PDE12: variants seen among roughly 807,000 people sequenced by gnomAD.
The protein encoded by PDE12 is phosphodiesterase 12, also known as 2',5'-phosphodiesterase 12.
A neutral mutation model predicts 45.4 loss-of-function variants in PDE12; 26 were observed. That is an observed-to-expected ratio of 0.57 (90% CI 0.42 to 0.79). The LOEUF (loss-of-function observed/expected upper bound fraction) is 0.79. Ranked by LOEUF, PDE12 falls within the 30% of genes least tolerant of loss-of-function variation. PDE12 has a pLI of 0.00. For missense variants in PDE12, 668 were observed against 790.0 expected, an observed-to-expected ratio of 0.85 and a Z score of 1.85; for synonymous variants, 283 against 323.9, an observed-to-expected ratio of 0.87 and a Z score of 1.36.
chr3:57,650,407 T>C, the PDE12 span, among the ~76,000 whole-genome samples: 633 of 136,468 alleles, frequency 4.6e-3, 6 homozygotes, highest in African/African-American at 0.016. Flanking sequence ...TGTGTATATA[T>C]ACATGCATTT....
chr3:57,621,285 AAAC>A, the PDE12 span, among the ~76,000 whole-genome samples: 2 of 152,244 alleles, frequency 1.3e-5, no homozygotes, highest in Non-Finnish European at 2.9e-5. Context: ...CATATGCAAA[AAAC>A]AAAAAATCCT....
At chr3:57,590,107 A>ATAAATAAAT in the PDE12 span, among the ~76,000 whole-genome samples, 1 of 145,878 alleles carries the variant, frequency 6.9e-6, no homozygotes, top group East Asian at 2.0e-4. Flanking sequence ...AAATAAATAA[A>ATAAATAAAT]TAAATAAATA....
chr3:57,584,086 T>C, the PDE12 span: 22 of 1,012,940 alleles, frequency 2.2e-5, no homozygotes, highest in South Asian at 2.0e-4. Context: ...TTTCTTAGAA[T>C]AGTGTTTTTA....
chr3:57,556,556 C>T lies in PDE12; in HGVS notation c.177C>T (p.Ser59=), dbSNP rs1431645242. ...TGTCATTCGCTTTGGCTGATGGTAG[C>T]CACAAGAACATGCAGCGCGACCAGA... is the stretch of plus-strand genomic sequence containing the variant. ...LSLSFALADG[S]HKNMQRDQSE... The change falls in exon 1 of 3, where the codon AGC becomes AGT. Residue 59 remains serine (S), a synonymous_variant. Transcript: ENST00000311180. This position sits in a 1 kb window ranked among gnomAD's most constrained non-coding sequence, Gnocchi z 5.0. 6.2e-7 allele frequency: 1 copy of T among 1,613,444 alleles called. No homozygotes were observed. Among genetic ancestry groups the T allele is most frequent in the Non-Finnish European group, 8.5e-7 (1 of 1,180,010 alleles).
At chr3:57,617,086 C>CA in the PDE12 span, among the ~76,000 whole-genome samples, 1 of 151,234 alleles carries the variant, frequency 6.6e-6, no homozygotes, top group Non-Finnish European at 1.5e-5. Flanking sequence ...TGTAAAAATT[C>CA]AAAAAAAATT....
the PDE12 span, among the ~76,000 whole-genome samples, chr3:57,574,408 ATTT>A: frequency 6.9e-6 from 1 of 145,262 alleles, no homozygotes. Flanking sequence ...AGAAGTACAA[ATTT>A]TTTTTTTTTT....
At chr3:57,590,134 A>G in the PDE12 span, among the ~76,000 whole-genome samples, 1 of 143,994 alleles carries the variant, frequency 6.9e-6, no homozygotes, top group Non-Finnish European at 1.5e-5. Flanking sequence ...TAAATAAATA[A>G]AACAAAAAAC....
chr3:57,602,515 A>G, the PDE12 span, among the ~76,000 whole-genome samples: 5 of 152,146 alleles, frequency 3.3e-5, no homozygotes, highest in African/African-American at 1.2e-4. Context: ...CAACAACTCA[A>G]GCTCTCTGCC....
chr3:57,584,062 T>G, the PDE12 span: 1 of 1,209,652 alleles, frequency 8.3e-7, no homozygotes, highest in Non-Finnish European at 1.2e-6. Flanking sequence ...AAATAAAACC[T>G]TTTATTGTGG....
chr3:57,598,138 CTCT>C, the PDE12 span: 1 of 152,038 alleles, frequency 6.6e-6, no homozygotes, highest in Non-Finnish European at 1.5e-5. Flanking sequence ...AGCGGAAAGC[CTCT>C]TCACTTTAAA....
chr3:57,645,250 C>G, the PDE12 span, among the ~76,000 whole-genome samples: 1 of 152,000 alleles, frequency 6.6e-6, no homozygotes, highest in Non-Finnish European at 1.5e-5. Flanking sequence ...ATCACAAAGT[C>G]AGGAATTCGA....
downstream of PDE12, among the ~76,000 whole-genome samples, chr3:57,570,020 T>C (rs2069821890): frequency 6.6e-6 from 1 of 151,900 alleles, no homozygotes; most frequent in Non-Finnish European, 1.5e-5. Flanking sequence ...TGATGCCCCA[T>C]AAGACTACAC....
At position 57,560,181 on chromosome 3, in the gene PDE12, TCTTTC is replaced by T; in HGVS notation, c.*181_*185del. On this transcript the variant is annotated 3_prime_UTR_variant, in exon 3 of 3. Transcript: ENST00000311180. ...GTTGATGTTTGCATCATACATCTTC[TCTTTC>T]CTTGTTTTCCTCTACAATTGGAGGA... The T allele has an allele frequency of 7.6e-7, 1 of 1,320,438 alleles. No individual in the cohort carries two copies. Among genetic ancestry groups the T allele is most frequent in the Non-Finnish European group, 9.6e-7 (1 of 1,038,672 alleles). 81.8% of individuals were successfully genotyped at this position (1,320,438 alleles called of 1,614,324 possible). A position where few individuals can be genotyped will look rare whatever the true frequency, so the allele number is the denominator to read the frequency against.
chr3:57,607,222 T>G, the PDE12 span, among the ~76,000 whole-genome samples: 4 of 151,998 alleles, frequency 2.6e-5, no homozygotes, highest in Non-Finnish European at 4.4e-5. Context: ...ACAGGACATT[T>G]GCACCAAAAC....
chr3:57,610,400 G>C, the PDE12 span, among the ~76,000 whole-genome samples: 1 of 152,118 alleles, frequency 6.6e-6, no homozygotes, highest in African/African-American at 2.4e-5. Flanking sequence ...TCAGGCAGGA[G>C]AAATAAATAA....
At chr3:57,629,000 A>G in the PDE12 span, 1 of 835,788 alleles carries the variant, frequency 1.2e-6, no homozygotes, top group Admixed American at 3.0e-5. Context: ...AGAACAAAGT[A>G]TTTAACCCAG....
the PDE12 span, among the ~76,000 whole-genome samples, chr3:57,635,938 G>A: frequency 6.6e-6 from 1 of 151,998 alleles, no homozygotes; most frequent in African/African-American, 2.4e-5. Flanking sequence ...CTTTTATGAT[G>A]ATCCACTTCC....
the PDE12 span, among the ~76,000 whole-genome samples, chr3:57,624,836 G>A: frequency 6.6e-6 from 1 of 152,092 alleles, no homozygotes; most frequent in Non-Finnish European, 1.5e-5. Context: ...AAATAATTGG[G>A]AGATTTGGGT....
At chr3:57,601,401 G>A in the PDE12 span, among the ~76,000 whole-genome samples, 4 of 152,074 alleles carry the variant, frequency 2.6e-5, no homozygotes, top group African/African-American at 7.2e-5. Flanking sequence ...GAGCCACCGC[G>A]CCCAGCCTCT....
Sources: gnomAD v4.1 joint callset for allele counts (sites outside exome capture counted in the v4.1 genomes callset) on GRCh38, gnomAD v4.1.1 for gene constraint, Gnocchi (gnomAD v3.1) non-coding constraint, MANE v1.5 for transcripts, NCBI Gene and HGNC (gene_info 2026-07-23, HGNC 2026-07-21) for gene names.